Variants in FGF13 observed in about 807,000 individuals in gnomAD.
The protein encoded by FGF13 is fibroblast growth factor 13.
In FGF13, 2 loss-of-function variants were observed where a neutral mutation model predicts 19.5. The ratio of observed to expected loss-of-function variants is 0.10; its 90% confidence interval spans 0.04 to 0.32. The LOEUF (loss-of-function observed/expected upper bound fraction) is 0.32. FGF13 is among the 10% of genes least tolerant of loss of function. FGF13 has a pLI of 1.00. For missense variants in FGF13, 113 were observed against 192.7 expected (o/e 0.59, Z 2.45); for synonymous variants, 72 against 76.9 (o/e 0.94, Z 0.33).
At chrX:138,922,357 C>T (rs1031474416) in intron 1 of FGF13, among the ~76,000 whole-genome samples, 4 of 111,798 alleles carry the variant, frequency 3.6e-5, no homozygotes, top group Non-Finnish European at 7.5e-5. Context: ...GTGCCAATCA[C>T]ACTCATGGGG....
intron 1 of FGF13, among the ~76,000 whole-genome samples, chrX:138,964,084 A>G (rs2091885599): frequency 1.8e-5 from 2 of 111,985 alleles, no homozygotes; most frequent in Admixed American, 9.5e-5. Flanking sequence ...TAAGCAAACA[A>G]TGTAGGAGTT....
intron 1 of FGF13, among the ~76,000 whole-genome samples, chrX:138,989,088 T>C (rs1299534230): frequency 1.8e-5 from 2 of 111,659 alleles, no homozygotes; most frequent in Non-Finnish European, 3.8e-5. Context: ...GTTTCTTCTC[T>C]TATGCTAATG....
chrX:139,012,349 T>C (rs1036386149), intron 1 of FGF13, among the ~76,000 whole-genome samples: 1 of 110,955 alleles, frequency 9.0e-6, no homozygotes, highest in Non-Finnish European at 1.9e-5. Flanking sequence ...TAAACAATCC[T>C]AAAATTCAGA....
intron 1 of FGF13, among the ~76,000 whole-genome samples, chrX:139,032,400 A>G (rs2092230586): frequency 9.0e-6 from 1 of 111,317 alleles, no homozygotes; most frequent in South Asian, 3.8e-4. Flanking sequence ...CTTTTGAAGC[A>G]CAGTTTGAAA....
intron 3 of FGF13, among the ~76,000 whole-genome samples, chrX:138,770,886 G>A (rs780514780): frequency 3.6e-5 from 4 of 111,648 alleles, no homozygotes; most frequent in Non-Finnish European, 7.5e-5. Context: ...TGTCTGGGTC[G>A]GTGTGGGGTG....
At chrX:139,172,812 T>G (rs1323469651) in intron 1 of FGF13, among the ~76,000 whole-genome samples, 2 of 111,700 alleles carry the variant, frequency 1.8e-5, no homozygotes, top group African/African-American at 6.5e-5. Flanking sequence ...ACTTGTAAAT[T>G]TTATTACCCA....
chrX:138,919,810 T>A (rs994577342), intron 1 of FGF13, among the ~76,000 whole-genome samples: 24 of 110,123 alleles, frequency 2.2e-4, no homozygotes, highest in African/African-American at 7.9e-4. Context: ...ACAACACATA[T>A]GATAAAATTA....
chrX:139,154,742 C>G (rs2227059), intron 1 of FGF13, among the ~76,000 whole-genome samples: 1 of 110,432 alleles, frequency 9.1e-6, no homozygotes, highest in Non-Finnish European at 1.9e-5. Context: ...TTAAGGAACA[C>G]AGCAGCAGTT....
At chrX:138,690,915 TGTATACTATAAATTCC>T (rs2089832521) in intron 3 of FGF13, among the ~76,000 whole-genome samples, 2 of 111,747 alleles carry the variant, frequency 1.8e-5, no homozygotes, top group South Asian at 7.6e-4. Flanking sequence ...AATCTCCTTA[TGTATACTATAAATTCC>T]AGACATTGAC....
At chrX:138,824,500 T>TA (rs1443248548) in intron 3 of FGF13, among the ~76,000 whole-genome samples, 1 of 111,668 alleles carries the variant, frequency 9.0e-6, no homozygotes, top group Non-Finnish European at 1.9e-5. Context: ...TTAAATAACC[T>TA]AAAAAATTAG....
chrX:138,760,209 T>C (rs896289581), intron 3 of FGF13, among the ~76,000 whole-genome samples: 3 of 111,909 alleles, frequency 2.7e-5, no homozygotes, highest in African/African-American at 9.8e-5. Flanking sequence ...AACACATATT[T>C]ACCATCTTTC....
intron 3 of FGF13, among the ~76,000 whole-genome samples, chrX:138,800,540 C>A (rs889736914): frequency 9.0e-6 from 1 of 111,069 alleles, no homozygotes; most frequent in East Asian, 2.8e-4. Flanking sequence ...GAGAAACGGA[C>A]GATTATGTGT....
At chrX:139,195,178 T>TC (rs1342285702) in intron 1 of FGF13, among the ~76,000 whole-genome samples, 1 of 102 alleles carries the variant, frequency 9.8e-3, no homozygotes, top group Non-Finnish European at 0.019. Context: ...AGCGCGATCG[T>TC]CGGTTCCCAG....
At chrX:139,118,880 G>C (rs1823335267) in intron 1 of FGF13, among the ~76,000 whole-genome samples, 2 of 110,800 alleles carry the variant, frequency 1.8e-5, no homozygotes, top group Non-Finnish European at 1.9e-5. Context: ...TAAAAAAATA[G>C]CTAGGTGTGC....
At chrX:138,860,738 G>A (rs1011587430) in intron 2 of FGF13, among the ~76,000 whole-genome samples, 5 of 112,509 alleles carry the variant, frequency 4.4e-5, no homozygotes, top group Non-Finnish European at 9.4e-5. Flanking sequence ...AGATAAGGTG[G>A]TAAAAGTGGC....
intron 1 of FGF13, among the ~76,000 whole-genome samples, chrX:139,051,685 A>T (rs1262058749): frequency 1.8e-5 from 2 of 112,879 alleles, no homozygotes; most frequent in Non-Finnish European, 3.7e-5. Flanking sequence ...ATCTAGAACA[A>T]AAAGCCAAGT....
In FGF13 at chrX:138,702,967, C is replaced by G; in HGVS notation, c.402+17G>C. 1 of 1,132,194 alleles carries G rather than the reference C, an allele frequency of 8.8e-7. No individual in the cohort carries two copies. Among genetic ancestry groups the G allele is most frequent in the Non-Finnish European group, 1.2e-6 (1 of 823,549 alleles). The allele number at this position is 1,132,194 out of a possible 1,213,427, so 93.3% of individuals were successfully genotyped here. A position where few individuals can be genotyped will look rare whatever the true frequency, so the allele number is the denominator to read the frequency against. ...AAAACTAGAATAGTCAAAACATGCA[C>G]ACAGTCAAAAGCTTACCGAGGTGTA... On this transcript the variant is annotated intron_variant, in intron 3 of 4. Coordinates refer to ENST00000315930, the MANE Select transcript of FGF13 (RefSeq NM_004114.5).
chrX:139,177,619 G>A (rs1288474823), intron 1 of FGF13, among the ~76,000 whole-genome samples: 1 of 111,257 alleles, frequency 9.0e-6, no homozygotes, highest in Non-Finnish European at 1.9e-5. Flanking sequence ...CAGGCCTGGT[G>A]CTGGCAGCAA....
intron 3 of FGF13, among the ~76,000 whole-genome samples, chrX:138,770,666 GA>G (rs2090538651): frequency 8.9e-6 from 1 of 111,794 alleles, no homozygotes; most frequent in Non-Finnish European, 1.9e-5. Flanking sequence ...TTCCTAGAAA[GA>G]AGAGACCATG....
Sources: allele counts gnomAD v4.1 joint callset (sites outside exome capture counted in the v4.1 genomes callset), GRCh38; gene constraint gnomAD v4.1.1; transcripts MANE v1.5; gene names NCBI Gene and HGNC (gene_info 2026-07-23, HGNC 2026-07-21).